The following SLC39A12 variants were observed in gnomAD, a reference collection of about 807,000 sequenced individuals.
The protein encoded by SLC39A12 is solute carrier family 39 member 12, also known as zinc transporter ZIP12.
In SLC39A12, 63 loss-of-function variants were observed where a neutral mutation model predicts 71.1. That is an observed-to-expected ratio of 0.89 (90% CI 0.72 to 1.09). SLC39A12 has a LOEUF of 1.09. Ranked by LOEUF, SLC39A12 falls within the 50% of genes least tolerant of loss-of-function variation. SLC39A12 has a pLI of 0.00. For synonymous variants in SLC39A12, 351 were observed against 301.3 expected, an observed-to-expected ratio of 1.16 and a Z score of -1.71; for missense variants, 892 against 812.6, an observed-to-expected ratio of 1.10 and a Z score of -1.19.
rs760862501 is a variant in SLC39A12 at position 18,003,311 on chromosome 10, T to C, written c.1900T>C (p.Phe634Leu). 3.1e-6 allele frequency: 5 copies of C among 1,614,060 alleles called. No individual in the cohort carries two copies. Among genetic ancestry groups the C allele is most frequent in the Non-Finnish European group, 3.4e-6 (4 of 1,179,984 alleles). Residue 634 changes from phenylalanine (F) to leucine (L), a missense_variant, in exon 12 of 13, where the codon TTC becomes CTC. Coordinates refer to ENST00000377369, the MANE Select transcript of SLC39A12 (RefSeq NM_001145195.2). Reference sequence around the variant, plus strand: ...TGATCCATGTGTTCAAGACTGGATCTTCACAGTCACTGCTGGGATGTTCTT... The same window carrying C: ...TGATCCATGTGTTCAAGACTGGATCCTCACAGTCACTGCTGGGATGTTCTT... ...SADPCVQDWI[F>L]TVTAGMFLYL...
chr10:17,966,159 T>TA (rs1245310758), intron 4 of SLC39A12, among the ~76,000 whole-genome samples: 1 of 152,228 alleles, frequency 6.6e-6, no homozygotes, highest in Non-Finnish European at 1.5e-5. Flanking sequence ...CTGACTACCT[T>TA]ACCTGCTTTT....
chr10:18,026,944 C>T (rs192353312), intron 12 of SLC39A12, among the ~76,000 whole-genome samples: 2 of 151,896 alleles, frequency 1.3e-5, no homozygotes, highest in East Asian at 3.9e-4. Context: ...TATTAAGTTC[C>T]TTAACATATT....
chr10:18,016,209 C>A (rs1253010892), intron 12 of SLC39A12, among the ~76,000 whole-genome samples: 1 of 152,156 alleles, frequency 6.6e-6, no homozygotes, highest in Non-Finnish European at 1.5e-5. Context: ...TCTTCCTTCC[C>A]CCAAATCCCT....
At chr10:17,976,858 A>C (rs2130802430) in intron 4 of SLC39A12, among the ~76,000 whole-genome samples, 1 of 152,280 alleles carries the variant, frequency 6.6e-6, no homozygotes, top group Middle Eastern at 3.4e-3. Context: ...AGATTTTGAA[A>C]GTTTTGGCCA....
At chr10:17,954,664 A>G (rs1834493390) in intron 2 of SLC39A12, among the ~76,000 whole-genome samples, 2 of 152,186 alleles carry the variant, frequency 1.3e-5, no homozygotes, top group South Asian at 4.1e-4. Flanking sequence ...CTACAAAAGA[A>G]AAAATAAAAC....
intron 6 of SLC39A12, among the ~76,000 whole-genome samples, chr10:17,982,870 C>T (rs139051603): frequency 2.0e-5 from 3 of 152,192 alleles, no homozygotes; most frequent in South Asian, 2.1e-4. Flanking sequence ...TCCTGGGAAA[C>T]CTCCCAACAT....
At chr10:17,972,704 T>C (rs1471898429) in intron 4 of SLC39A12, among the ~76,000 whole-genome samples, 6 of 152,128 alleles carry the variant, frequency 3.9e-5, no homozygotes, top group Admixed American at 6.5e-5. Flanking sequence ...TTCTGTCCCT[T>C]TATTTTTAGT....
At position 18,042,856 on chromosome 10, in the gene SLC39A12, A is replaced by T. The variant is rs757699403; in HGVS notation, c.*23A>T. ...TAAGTGAGGATCTTCAACATCTTTC[A>T]AAAATGCATTTATATAGTCTTACTT... is the stretch of plus-strand genomic sequence containing the variant. On this transcript the variant is annotated 3_prime_UTR_variant, in exon 13 of 13. Transcript: ENST00000377369. The T allele has an allele frequency of 1.9e-6, 3 of 1,591,020 alleles. No individual in the cohort carries two copies. The East Asian group carries it at 6.8e-5, about 36-fold the overall frequency.
In SLC39A12 at chr10:17,953,363, C is replaced by G; in HGVS notation, c.87C>G (p.Pro29=). 6.2e-7 allele frequency: 1 copy of G among 1,614,130 alleles called. No individual in the cohort carries two copies. Among genetic ancestry groups the G allele is most frequent in the South Asian group, 1.1e-5 (1 of 91,084 alleles). Reference sequence around the variant, plus strand: ...TTTTTTCTACTGAGACAGACAAACCCTCAGCCCAGGATAGCAGAAGCCGTG... The same window carrying G: ...TTTTTTCTACTGAGACAGACAAACCGTCAGCCCAGGATAGCAGAAGCCGTG... ...SRVFSTETDK[P]SAQDSRSRGS... Residue 29 remains proline (P), a synonymous_variant, in exon 2 of 13, where the codon CCC becomes CCG. Coordinates refer to ENST00000377369, the MANE Select transcript of SLC39A12 (RefSeq NM_001145195.2).
chr10:17,997,491 A>G (rs1267706275), intron 10 of SLC39A12, among the ~76,000 whole-genome samples: 1 of 152,102 alleles, frequency 6.6e-6, no homozygotes, highest in Non-Finnish European at 1.5e-5. Flanking sequence ...TCTGCAATAG[A>G]CTTTTTTTTC....
At chr10:17,966,835 G>T (rs192574375) in intron 4 of SLC39A12, among the ~76,000 whole-genome samples, 10 of 151,778 alleles carry the variant, frequency 6.6e-5, no homozygotes, top group Admixed American at 1.3e-4. Flanking sequence ...TTAGCCAGGC[G>T]TGGTGGCGTG....
rs1276525205 is a variant in SLC39A12, at chr10:17,997,272, G to A, written c.1600+1550G>A. 3.3e-5 allele frequency among the ~76,000 whole-genome samples: 5 copies of A among 152,178 alleles called. No homozygotes were observed. The East Asian group carries it at 9.7e-4, about 29-fold the overall frequency. ...TATTCTTAGCTTGGGATGTAGTCAG[G>A]GATAGAAATACTACTAAGACCAAAC... is the stretch of plus-strand genomic sequence containing the variant. On this transcript the variant is annotated intron_variant, in intron 10 of 12. Transcript: ENST00000377369.
intron 2 of SLC39A12, among the ~76,000 whole-genome samples, chr10:17,955,155 CA>C (rs143038227): frequency 0.04 from 6,051 of 152,092 alleles, 370 homozygotes; most frequent in African/African-American, 0.13. Flanking sequence ...GTAGTTTTGC[CA>C]GGGGGGAAGG....
At chr10:17,955,609 T>C (rs1554847699) in intron 2 of SLC39A12, among the ~76,000 whole-genome samples, 1 of 151,870 alleles carries the variant, frequency 6.6e-6, no homozygotes, top group African/African-American at 2.4e-5. Flanking sequence ...AAAAGAGAGG[T>C]TAAGGGGGTT....
intron 12 of SLC39A12, among the ~76,000 whole-genome samples, chr10:18,034,173 G>T (rs1238580710): frequency 6.6e-6 from 1 of 152,080 alleles, no homozygotes; most frequent in Non-Finnish European, 1.5e-5. Context: ...AGGTCCACTT[G>T]GTGCAGAGCT....
At chr10:17,958,970 G>A (rs529703380) in intron 2 of SLC39A12, among the ~76,000 whole-genome samples, 29 of 152,194 alleles carry the variant, frequency 1.9e-4, no homozygotes, top group African/African-American at 7.0e-4. Context: ...AAACCAATTA[G>A]ATTATGCACC....
At chr10:17,965,747 C>A in intron 4 of SLC39A12, 57 bp downstream of exon 4, 1 of 1,416,636 alleles carries the variant, frequency 7.1e-7, no homozygotes, top group Non-Finnish European at 9.8e-7. Flanking sequence ...TAAACTATGC[C>A]AAAAACAAAG....
intron 12 of SLC39A12, among the ~76,000 whole-genome samples, chr10:18,040,494 G>A (rs933891404): frequency 1.3e-5 from 2 of 152,096 alleles, no homozygotes; most frequent in Non-Finnish European, 2.9e-5. Context: ...ACCTGGCCAG[G>A]CATGGTGGCT....
intron 12 of SLC39A12, among the ~76,000 whole-genome samples, chr10:18,035,373 C>T (rs1443375398): frequency 2.9e-5 from 4 of 136,498 alleles, no homozygotes; most frequent in African/African-American, 1.2e-4. Flanking sequence ...CTCTAAACTT[C>T]CCTTCTCGCT....
Sources: allele counts gnomAD v4.1 joint callset (sites outside exome capture counted in the v4.1 genomes callset), GRCh38; gene constraint gnomAD v4.1.1; transcripts MANE v1.5; gene names NCBI Gene and HGNC (gene_info 2026-07-23, HGNC 2026-07-21).